Variants in TRAPPC9 observed in about 807,000 individuals in gnomAD.
TRAPPC9 encodes IKK2 binding protein.
TRAPPC9 carries 83 observed loss-of-function variants against 124.0 expected under a neutral mutation model. That is an observed-to-expected ratio of 0.67 (90% confidence interval 0.56 to 0.80). The LOEUF (loss-of-function observed/expected upper bound fraction) is 0.80, where lower values mean the gene tolerates loss of function less well. Ranked by LOEUF, TRAPPC9 falls within the 30% of genes least tolerant of loss-of-function variation. The pLI, the probability that TRAPPC9 is intolerant of heterozygous loss-of-function variation, is 0.00. For synonymous variants in TRAPPC9, 638 were observed against 617.5 expected (o/e 1.03, Z -0.49); for missense variants, 1,302 against 1,508.3 (o/e 0.86, Z 2.27).
intron 17 of TRAPPC9, among the ~76,000 whole-genome samples, chr8:140,091,013 CAAGGACTGACA>C (rs1437274653): frequency 2.0e-5 from 3 of 152,198 alleles, no homozygotes; most frequent in Non-Finnish European, 4.4e-5. Flanking sequence ...GGATCAGCCT[CAAGGACTGACA>C]GAAGACTGCA....
At chr8:139,773,056 CCA>C (rs1165186818) in intron 21 of TRAPPC9, among the ~76,000 whole-genome samples, 2 of 152,222 alleles carry the variant, frequency 1.3e-5, no homozygotes, top group Non-Finnish European at 2.9e-5. Flanking sequence ...TCCAGGAGGC[CCA>C]CAGTTTGTGC....
At chr8:140,270,182 G>T (rs1318876598) in intron 15 of TRAPPC9, among the ~76,000 whole-genome samples, 2 of 152,144 alleles carry the variant, frequency 1.3e-5, no homozygotes, top group Non-Finnish European at 2.9e-5. Context: ...GACCTCAGAT[G>T]ACCAAGAAGC....
At position 139,825,567 on chromosome 8, in the gene TRAPPC9, T is replaced by G. The variant is rs1563842502; in HGVS notation, c.3055+60312A>C. Among the ~76,000 whole-genome samples, 2 of 152,278 alleles carry G rather than the reference T, an allele frequency of 1.3e-5. No homozygotes were observed. The highest frequency in any genetic ancestry group is 4.8e-5 in the African/African-American group (2 of 41,578). The stretch of plus-strand genomic sequence containing the variant: ...TGCCCTTAATCCCTTTGGGATCAAT[T>G]AATGTTCCCAAGAAAAATGGAAATT... On this transcript the variant is annotated intron_variant, in intron 21 of 22. Transcript: ENST00000438773. This position sits in a 1 kb window ranked among gnomAD's most constrained non-coding sequence, Gnocchi z 4.6.
chr8:140,368,237 A>C (rs940093223), intron 8 of TRAPPC9, among the ~76,000 whole-genome samples: 1 of 152,134 alleles, frequency 6.6e-6, no homozygotes, highest in South Asian at 2.1e-4. Context: ...TCAAGAGCAG[A>C]GTTCAGGACC....
chr8:140,131,599 G>C (rs1440163991), intron 17 of TRAPPC9, among the ~76,000 whole-genome samples: 1 of 152,186 alleles, frequency 6.6e-6, no homozygotes, highest in African/African-American at 2.4e-5. Context: ...GCTTCTCCTA[G>C]ACGGCCCCGT....
intron 17 of TRAPPC9, among the ~76,000 whole-genome samples, chr8:140,163,593 G>A (rs4736021): frequency 0.19 from 28,389 of 152,226 alleles, 2,878 homozygotes; most frequent in Admixed American, 0.26. Flanking sequence ...ACAGGGGAAC[G>A]CTGTGCGGTG....
At chr8:140,300,174 C>T (rs1355962684) in intron 11 of TRAPPC9, among the ~76,000 whole-genome samples, 1 of 152,220 alleles carries the variant, frequency 6.6e-6, no homozygotes, top group African/African-American at 2.4e-5. Context: ...TGCACACACG[C>T]ACACACACGC....
At chr8:139,957,812 A>C (rs1398479542) in intron 19 of TRAPPC9, among the ~76,000 whole-genome samples, 1 of 152,204 alleles carries the variant, frequency 6.6e-6, no homozygotes, top group Non-Finnish European at 1.5e-5. Flanking sequence ...CATCAGCAGA[A>C]TAAGGGGAGC....
chr8:139,872,014 T>C (rs929338605), intron 21 of TRAPPC9, among the ~76,000 whole-genome samples: 1 of 151,672 alleles, frequency 6.6e-6, no homozygotes, highest in Non-Finnish European at 1.5e-5. Context: ...GTAGATGGGT[T>C]GGTGGGTAAA....
chr8:140,153,320 C>T (rs1347347879), intron 17 of TRAPPC9, among the ~76,000 whole-genome samples: 1 of 152,070 alleles, frequency 6.6e-6, no homozygotes, highest in Non-Finnish European at 1.5e-5. Context: ...CTTCTTCCCT[C>T]CATGATTTGT....
At position 140,221,635 on chromosome 8, in the gene TRAPPC9, T is replaced by TTTG. The variant is rs565536849; in HGVS notation, c.2432-55_2432-53dup. ...GTAACACGTCAGCTTGGTTTTGGGG[T>TTTG]TTGTTGTTGTTGTTGTTGTTTGGGA... On this transcript the variant is annotated intron_variant, in intron 16 of 22. Coordinates refer to ENST00000438773, the MANE Select transcript of TRAPPC9 (RefSeq NM_001160372.4). 507 of 1,572,030 alleles carry TTTG rather than the reference T, an allele frequency of 3.2e-4. 2 individuals are homozygous for TTTG. The highest frequency in any genetic ancestry group is 4.0e-4 in the Non-Finnish European group (458 of 1,157,352).
chr8:139,756,423 A>G (rs1819785798), intron 21 of TRAPPC9, among the ~76,000 whole-genome samples: 1 of 127,158 alleles, frequency 7.9e-6, no homozygotes, highest in Admixed American at 7.7e-5. Context: ...TCACAGGAGG[A>G]GCCAGGGTTT....
At chr8:140,434,429 A>C (rs536418782) in intron 4 of TRAPPC9, among the ~76,000 whole-genome samples, 1 of 152,308 alleles carries the variant, frequency 6.6e-6, no homozygotes, top group South Asian at 2.1e-4. Flanking sequence ...CAACTCATTG[A>C]GAGAATGTCA....
At chr8:139,733,484 G>A (rs1308556420) in intron 21 of TRAPPC9, among the ~76,000 whole-genome samples, 2 of 152,202 alleles carry the variant, frequency 1.3e-5, no homozygotes, top group Admixed American at 6.5e-5. Context: ...AAGGCCACCT[G>A]CTGTGGCCCT....
At position 139,885,916 on chromosome 8, in the gene TRAPPC9, G is replaced by A. The variant is rs758967257; in HGVS notation, c.3018C>T (p.Leu1006=). 6.4e-6 allele frequency: 10 copies of A among 1,573,108 alleles called. No individual in the cohort carries two copies. The highest frequency in any genetic ancestry group is 1.3e-5 in the African/African-American group (1 of 74,178). The change falls in exon 21 of 23, where the codon CTC becomes CTT. Residue 1006 remains leucine (L), a synonymous_variant. Transcript: ENST00000438773. The stretch of plus-strand genomic sequence containing the variant: ...GCGCCAGCTGCAGGTGCTCCAGGAC[G>A]AGCTGGTTCAGGAGTCCTTCCACAC... ...EASVEGLLNQ[L]VLEHLQLAPL...
At chr8:140,080,576 T>C (rs1456585412) in intron 17 of TRAPPC9, among the ~76,000 whole-genome samples, 1 of 152,168 alleles carries the variant, frequency 6.6e-6, no homozygotes, top group African/African-American at 2.4e-5. Context: ...CACTCTCATG[T>C]TGACTGATCC....
At chr8:139,920,221 C>G (rs1832422640) in intron 19 of TRAPPC9, among the ~76,000 whole-genome samples, 1 of 152,178 alleles carries the variant, frequency 6.6e-6, no homozygotes, top group African/African-American at 2.4e-5. Context: ...TGGCGCGCAC[C>G]TGTAATCCCA....
intron 19 of TRAPPC9, among the ~76,000 whole-genome samples, chr8:139,919,613 G>A (rs1832381429): frequency 6.6e-6 from 1 of 152,220 alleles, no homozygotes; most frequent in Admixed American, 6.5e-5. Context: ...TAAAATGCAA[G>A]ATAAATATGA....
intron 17 of TRAPPC9, among the ~76,000 whole-genome samples, chr8:140,036,594 A>G (rs1157412338): frequency 6.6e-6 from 1 of 152,214 alleles, no homozygotes; most frequent in African/African-American, 2.4e-5. Context: ...TTTAGGACAC[A>G]GGAAGTTTGA....
Sources: gnomAD v4.1 joint callset for allele counts (sites outside exome capture counted in the v4.1 genomes callset) on GRCh38, gnomAD v4.1.1 for gene constraint, Gnocchi (gnomAD v3.1) non-coding constraint, MANE v1.5 for transcripts, NCBI Gene and HGNC (gene_info 2026-07-23, HGNC 2026-07-21) for gene names.